Variants in CLPTM1L observed in about 807,000 individuals in gnomAD.
The protein encoded by CLPTM1L is lipid scramblase CLPTM1L.
In CLPTM1L, 38 loss-of-function variants were observed where a neutral mutation model predicts 70.9. The ratio of observed to expected loss-of-function variants is 0.54; its 90% CI spans 0.41 to 0.70. The LOEUF (loss-of-function observed/expected upper bound fraction) is 0.70, where lower values mean the gene tolerates loss of function less well. Ranked by LOEUF, CLPTM1L falls within the 30% of genes least tolerant of loss-of-function variation. The pLI, the probability that CLPTM1L is intolerant of heterozygous loss-of-function variation, is 0.00. For missense variants in CLPTM1L, 652 were observed against 705.9 expected (o/e 0.92, Z 0.87); for synonymous variants, 339 against 299.9 (o/e 1.13, Z -1.35).
intron 4 of CLPTM1L, 121 bp downstream of exon 4, chr5:1,338,739 G>T: frequency 8.8e-7 from 1 of 1,139,472 alleles, no homozygotes; most frequent in Non-Finnish European, 1.3e-6. Flanking sequence ...GGGAGGCCCG[G>T]GCAGCAAGTG....
chr5:1,338,226 G>A (rs760415367), intron 4 of CLPTM1L: 3 of 573,866 alleles, frequency 5.2e-6, no homozygotes, highest in Middle Eastern at 4.7e-4. Context: ...ATGCCTCCAC[G>A]GCCACTAGGA....
Position 1,320,694 on chromosome 5 carries a change from A to G in CLPTM1L, c.1454T>C (p.Ile485Thr). ...NTFIDDVFAF[I>T]ITMPTSHRLA... ...CCGGTGAGACGTGGGCATGGTGATGATGAAGGCAAAGACGTCATCAATGAA... is the reference window on the plus strand; with the variant it reads ...CCGGTGAGACGTGGGCATGGTGATGGTGAAGGCAAAGACGTCATCAATGAA... Residue 485 changes from isoleucine (I) to threonine (T), a missense_variant, in exon 16 of 17, where the codon ATC becomes ACC. Ile to Thr is a moderately conservative substitution (Grantham distance 89). Coordinates refer to ENST00000320895, the MANE Select transcript of CLPTM1L (RefSeq NM_030782.5). The G allele has an allele frequency of 3.9e-6, 6 of 1,548,744 alleles. No individual in the cohort carries two copies. Among genetic ancestry groups the G allele is most frequent in the Non-Finnish European group, 5.2e-6 (6 of 1,145,470 alleles).
In CLPTM1L at chr5:1,341,771, C is replaced by T; in HGVS notation, c.353G>A (p.Trp118Ter). Residue 118 changes from tryptophan to a stop codon, truncating the protein, a stop_gained, in exon 3 of 17, where the codon TGG becomes TAG. Transcript: ENST00000320895. LOFTEE classifies it high-confidence loss of function. Reference sequence around the variant, plus strand: ...CAGGTGCACCTGCTTCCCGTCGTGCCACGGCAGGACCCCAGCGTGATGGAG... The same window carrying T: ...CAGGTGCACCTGCTTCCCGTCGTGCTACGGCAGGACCCCAGCGTGATGGAG... ...IFLHHAGVLPWHDGKQVHLVS... is the reference protein window; with the variant it reads ...IFLHHAGVLP 1 of 1,614,040 alleles carries T rather than the reference C, an allele frequency of 6.2e-7. No homozygotes were observed. The highest frequency in any genetic ancestry group is 8.5e-7 in the Non-Finnish European group (1 of 1,180,000).
At chr5:1,321,932 G>A (rs934915038) in intron 13 of CLPTM1L, 113 bp from the exon 14 acceptor site, 2 of 935,966 alleles carry the variant, frequency 2.1e-6, no homozygotes, top group South Asian at 2.8e-5. Flanking sequence ...ATGCATAGTG[G>A]GCAGAAAACA....
rs1298236697 is a variant in CLPTM1L at position 1,339,680 on chromosome 5, G to A, written c.454-675C>T. The stretch of plus-strand genomic sequence containing the variant: ...TAACCTGTGAACAGATGGCCACACA[G>A]ATGGGCAAACTGTGCCCGGGACAGC... On this transcript the variant is annotated intron_variant, in intron 3 of 16. Coordinates refer to ENST00000320895, the MANE Select transcript of CLPTM1L (RefSeq NM_030782.5). 9.3e-5 allele frequency among the ~76,000 whole-genome samples: 7 copies of A among 75,590 alleles called. 2 individuals carry two copies. Among genetic ancestry groups the A allele is most frequent in the Non-Finnish European group, 1.7e-4 (7 of 40,394 alleles). 49.6% of individuals were successfully genotyped at this position (75,590 alleles called of 152,430 possible). A position where few individuals can be genotyped will look rare whatever the true frequency, so the allele number is the denominator to read the frequency against.
intron 7 of CLPTM1L, among the ~76,000 whole-genome samples, chr5:1,333,572 G>GC (rs1753308198): frequency 7.3e-5 from 11 of 151,420 alleles, no homozygotes; most frequent in Admixed American, 2.0e-4. Flanking sequence ...ATGAGGATAA[G>GC]GGGAGACTAC....
In CLPTM1L at chr5:1,335,067, CAGG is replaced by C; in HGVS notation, c.783_785del (p.Leu262del). 6.2e-7 allele frequency: 1 copy of C among 1,613,130 alleles called. No individual in the cohort carries two copies. On this transcript the variant is annotated inframe_deletion, in exon 6 of 17. Transcript: ENST00000320895. ...GTGTGCGGCACATACCGAACTGCTG[CAGG>C]GAGTACACGGCGTCCTGCATGTGGA...
At chr5:1,323,041 C>A in intron 12 of CLPTM1L, 130 bp from the exon 13 acceptor site, 1 of 894,590 alleles carries the variant, frequency 1.1e-6, no homozygotes, top group Admixed American at 2.0e-5. Flanking sequence ...AGCTCGGCAG[C>A]CAAGAGCAGC....
intron 7 of CLPTM1L, among the ~76,000 whole-genome samples, chr5:1,333,078 G>A (rs1753229894): frequency 8.7e-6 from 1 of 114,914 alleles, no homozygotes; most frequent in Non-Finnish European, 1.8e-5. Flanking sequence ...GGGGACTACT[G>A]TATACACACC....
intron 8 of CLPTM1L, chr5:1,331,520 GCCCAGA>G: frequency 1.8e-6 from 1 of 555,190 alleles, no homozygotes; most frequent in South Asian, 2.3e-5. Context: ...ACTCTCCACA[GCCCAGA>G]CCCAGACCCC....
intron 16 of CLPTM1L, among the ~76,000 whole-genome samples, chr5:1,319,073 GCA>G (rs1332435126): frequency 1.3e-5 from 2 of 152,334 alleles, no homozygotes; most frequent in African/African-American, 2.4e-5. Flanking sequence ...CCTGAGTACA[GCA>G]CAGTTTCAGG....
chr5:1,321,361 C>A (rs908394491), intron 15 of CLPTM1L, among the ~76,000 whole-genome samples: 3 of 152,192 alleles, frequency 2.0e-5, no homozygotes, highest in Non-Finnish European at 2.9e-5. Context: ...TGTGTCTTGA[C>A]ACATGTGCTA....
intron 9 of CLPTM1L, 42 bp from the exon 10 acceptor site, chr5:1,325,858 G>T (rs374731498): frequency 6.3e-7 from 1 of 1,574,918 alleles, no homozygotes; most frequent in Admixed American, 1.7e-5. Flanking sequence ...AATATTCGAA[G>T]GCCAGGAGCC....
chr5:1,325,352 A>C, intron 10 of CLPTM1L: 1 of 259,614 alleles, frequency 3.9e-6, no homozygotes. Context: ...GCGCCCAGGC[A>C]CTGGGGCAGC....
chr5:1,329,516 T>C (rs71595028), intron 9 of CLPTM1L, among the ~76,000 whole-genome samples: 1,808 of 112,334 alleles, frequency 0.016, 17 homozygotes, highest in African/African-American at 0.041. Flanking sequence ...GACTCTCTGC[T>C]TGGTGGACAG....
rs1370025643 is a variant in CLPTM1L at position 1,341,701 on chromosome 5, G to A, written c.423C>T (p.Ile141=). The A allele has an allele frequency of 6.2e-6, 10 of 1,611,402 alleles. No homozygotes were observed. The highest frequency in any genetic ancestry group is 8.5e-6 in the Non-Finnish European group (10 of 1,177,972). Residue 141 remains isoleucine (I), a synonymous_variant, in exon 3 of 17, where the codon ATC becomes ATT. Coordinates refer to ENST00000320895, the MANE Select transcript of CLPTM1L (RefSeq NM_030782.5). ...TTYMVPKPEE[I]NLLTGESDTQ... ...TATCAGACTCCCCGGTGAGCAGGTTGATTTCTTCTGGCTTGGGGACCATGT... is the reference window on the plus strand; with the variant it reads ...TATCAGACTCCCCGGTGAGCAGGTTAATTTCTTCTGGCTTGGGGACCATGT...
chr5:1,330,205 C>G (rs570073757), intron 9 of CLPTM1L, 75 bp downstream of exon 9: 1 of 1,241,494 alleles, frequency 8.1e-7, no homozygotes, highest in South Asian at 1.3e-5. Context: ...TCTCAGGTCC[C>G]GGGGCTGAAA....
intron 2 of CLPTM1L, among the ~76,000 whole-genome samples, chr5:1,343,127 G>A (rs1333995012): frequency 6.6e-6 from 1 of 152,060 alleles, no homozygotes; most frequent in African/African-American, 2.4e-5. Flanking sequence ...GGAACCGGAG[G>A]TTGCAGTGAG....
chr5:1,341,930 T>C (rs1753961141), intron 2 of CLPTM1L, 70 bp from the exon 3 acceptor site: 1 of 1,246,876 alleles, frequency 8.0e-7, no homozygotes, highest in Non-Finnish European at 1.1e-6. Context: ...TTCAAATACC[T>C]TTATAAAGCT....
Sources: allele counts gnomAD v4.1 joint callset (sites outside exome capture counted in the v4.1 genomes callset), GRCh38; gene constraint gnomAD v4.1.1; transcripts MANE v1.5; gene names NCBI Gene and HGNC (gene_info 2026-07-23, HGNC 2026-07-21).